Variants in PICALM observed in about 807,000 individuals in gnomAD.
The protein encoded by PICALM is phosphatidylinositol binding clathrin assembly protein.
A neutral mutation model predicts 80.5 loss-of-function variants in PICALM; 40 were observed. That is an observed-to-expected ratio of 0.50 (90% CI 0.39 to 0.65). PICALM has a LOEUF of 0.65. Among genes scored for constraint, PICALM ranks in the 30% least tolerant of loss-of-function variants. The pLI is 0.00. For synonymous variants in PICALM, 288 were observed against 260.3 expected (o/e 1.11, Z -1.02); for missense variants, 676 against 778.9 (o/e 0.87, Z 1.57).
chr11:86,036,160 T>C (rs907476661), intron 1 of PICALM, among the ~76,000 whole-genome samples: 11 of 152,140 alleles, frequency 7.2e-5, no homozygotes, highest in African/African-American at 2.7e-4. Context: ...ATTTTTTTCA[T>C]ATAGCAAAAT....
intron 14 of PICALM, among the ~76,000 whole-genome samples, chr11:85,982,950 A>C (rs995703383): frequency 1.3e-5 from 2 of 152,232 alleles, no homozygotes; most frequent in African/African-American, 4.8e-5. Flanking sequence ...TACAGTTTGA[A>C]AAAGAAAGTC....
chr11:85,974,931 C>G, intron 18 of PICALM, 119 bp from the exon 19 acceptor site: 2 of 713,378 alleles, frequency 2.8e-6, no homozygotes, highest in South Asian at 3.1e-5. Flanking sequence ...CAAAGGGTAA[C>G]TTCCTCTGAA....
At chr11:85,976,829 T>C in intron 17 of PICALM, 147 bp from the exon 18 acceptor site, 1 of 549,824 alleles carries the variant, frequency 1.8e-6, no homozygotes, top group Non-Finnish European at 3.3e-6. Context: ...GAACTGTCGA[T>C]TAATGGTCAG....
At chr11:85,990,138 T>G in intron 13 of PICALM, 112 bp downstream of exon 13, 3 of 536,450 alleles carry the variant, frequency 5.6e-6, no homozygotes, top group Non-Finnish European at 6.1e-6. Flanking sequence ...TAGAATTTGA[T>G]ATTAAAATCT....
At chr11:86,014,215 A>G (rs952172237) in intron 5 of PICALM, among the ~76,000 whole-genome samples, 5 of 152,236 alleles carry the variant, frequency 3.3e-5, no homozygotes, top group African/African-American at 1.2e-4. Flanking sequence ...AATCTATTTC[A>G]GCATGAAACT....
intron 19 of PICALM, chr11:85,960,795 A>G: frequency 1.8e-6 from 2 of 1,133,138 alleles, no homozygotes; most frequent in South Asian, 1.4e-5. Flanking sequence ...AAAAGAAGAC[A>G]GAGAGAGGGA....
chr11:86,013,505 G>A (rs192113325), intron 5 of PICALM, among the ~76,000 whole-genome samples: 3 of 151,890 alleles, frequency 2.0e-5, no homozygotes, highest in Non-Finnish European at 2.9e-5. Context: ...ACACACAGAG[G>A]GAGAGACAGA....
At chr11:86,011,742 G>C (rs562892223) in intron 6 of PICALM, among the ~76,000 whole-genome samples, 29 of 152,032 alleles carry the variant, frequency 1.9e-4, no homozygotes, top group African/African-American at 6.3e-4. Context: ...AGTTCATTAT[G>C]GAGTTGATTA....
chr11:86,012,313 G>T lies in PICALM; in HGVS notation c.626C>A (p.Ala209Glu). 6.2e-7 allele frequency: 1 copy of T among 1,605,246 alleles called. No homozygotes were observed. The highest frequency in any genetic ancestry group is 8.5e-7 in the Non-Finnish European group (1 of 1,173,082). Residue 209 changes from alanine to glutamate, a missense_variant, in exon 6 of 20, where the codon GCA becomes GAA. By Grantham distance (107) the Ala-to-Glu change is moderately radical. This residue lies in a region of PICALM where 285 missense variants were observed against 395.4 expected (regional missense o/e 0.72). Coordinates refer to ENST00000393346, the MANE Select transcript of PICALM (RefSeq NM_007166.4). ...LLFKDAIRLFAAYNEGIINLL... is the reference protein window; with the variant it reads ...LLFKDAIRLFEAYNEGIINLL... The stretch of plus-strand genomic sequence containing the variant: ...ATTAATAATTCCTTCATTGTATGCT[G>T]CAAACAGTCTAATGGCATCTTTGAA...
At chr11:85,963,444 A>C (rs1431183547) in intron 19 of PICALM, among the ~76,000 whole-genome samples, 2 of 151,882 alleles carry the variant, frequency 1.3e-5, no homozygotes, top group East Asian at 3.8e-4. Context: ...CACAGAGCCA[A>C]AAAAAATTGG....
chr11:86,024,180 A>AT (rs903064535), intron 3 of PICALM, among the ~76,000 whole-genome samples: 4 of 150,604 alleles, frequency 2.7e-5, no homozygotes, highest in African/African-American at 4.9e-5. Flanking sequence ...GAAAAAAAAA[A>AT]TTTTTTTTTC....
chr11:86,023,597 A>G, intron 3 of PICALM: 1 of 982,846 alleles, frequency 1.0e-6, no homozygotes, highest in Non-Finnish European at 1.2e-6. Flanking sequence ...CTTAATTTCC[A>G]TCTTAAGAAA....
chr11:86,045,519 CAAAAAAAAAAAA>C (rs71040207), intron 1 of PICALM, among the ~76,000 whole-genome samples: 23 of 47,802 alleles, frequency 4.8e-4, no homozygotes, highest in South Asian at 1.3e-3. Flanking sequence ...TCTTGAAATT[CAAAAAAAAAAAA>C]AAAAAAAAAA....
intron 2 of PICALM, among the ~76,000 whole-genome samples, chr11:86,027,007 A>G (rs193163109): frequency 7.9e-4 from 120 of 152,338 alleles, no homozygotes; most frequent in African/African-American, 2.9e-3. Context: ...TGAAATTTAC[A>G]CAAGTATCAT....
intron 14 of PICALM, among the ~76,000 whole-genome samples, chr11:85,983,449 A>T (rs931451244): frequency 6.6e-6 from 1 of 152,204 alleles, no homozygotes; most frequent in Non-Finnish European, 1.5e-5. Flanking sequence ...GACTATTTAA[A>T]CAAGTCAAGG....
At chr11:86,067,826 G>C (rs776419616) in intron 1 of PICALM, among the ~76,000 whole-genome samples, 14 of 152,140 alleles carry the variant, frequency 9.2e-5, no homozygotes, top group Non-Finnish European at 1.9e-4. Context: ...GTGAAAAGCT[G>C]GGGGGCAGAG....
chr11:86,058,791 C>A (rs939483753), intron 1 of PICALM, among the ~76,000 whole-genome samples: 1 of 152,098 alleles, frequency 6.6e-6, no homozygotes, highest in Admixed American at 6.5e-5. Flanking sequence ...CTAGGAGGCA[C>A]CTTTCATACA....
intron 1 of PICALM, among the ~76,000 whole-genome samples, chr11:86,055,391 C>T (rs2096253741): frequency 6.6e-6 from 1 of 151,254 alleles, no homozygotes; most frequent in Admixed American, 6.6e-5. Flanking sequence ...ACCAAAACAA[C>T]TTATTGATAG....
At chr11:86,064,971 A>C (rs556420503) in intron 1 of PICALM, among the ~76,000 whole-genome samples, 1 of 152,210 alleles carries the variant, frequency 6.6e-6, no homozygotes, top group East Asian at 1.9e-4. Context: ...AGTCCCAGCT[A>C]CTTGGGAGAC....
Sources: gnomAD v4.1 joint callset for allele counts (sites outside exome capture counted in the v4.1 genomes callset) on GRCh38, gnomAD v4.1.1 for gene constraint, gnomAD v4.1.1 regional missense constraint, MANE v1.5 for transcripts, NCBI Gene and HGNC (gene_info 2026-07-23, HGNC 2026-07-21) for gene names.